The following LRRC4C variants were observed in gnomAD, a reference collection of about 807,000 sequenced individuals.
The protein encoded by LRRC4C is leucine rich repeat containing 4C.
LRRC4C carries 5 observed loss-of-function variants against 33.6 expected under a neutral mutation model. The observed-to-expected ratio is 0.15, with a 90% CI of 0.08 to 0.31. The LOEUF (loss-of-function observed/expected upper bound fraction) is 0.31, where lower values mean the gene tolerates loss of function less well. LRRC4C is among the 10% of genes least tolerant of loss of function. The probability of loss-of-function intolerance (pLI) is 1.00; values close to 1 mark genes in which losing one functional copy is unlikely to be tolerated. For missense variants in LRRC4C, 560 were observed against 796.7 expected (o/e 0.70, Z 3.58); for synonymous variants, 329 against 302.0 (o/e 1.09, Z -0.93).
chr11:41,283,742 T>A (rs1949739604), intron 1 of LRRC4C, among the ~76,000 whole-genome samples: 1 of 152,066 alleles, frequency 6.6e-6, no homozygotes. Flanking sequence ...ACGGAAGAGG[T>A]TTGCTGATCC....
intron 1 of LRRC4C, among the ~76,000 whole-genome samples, chr11:40,980,476 T>C (rs1354608928): frequency 6.6e-6 from 1 of 152,126 alleles, no homozygotes; most frequent in Non-Finnish European, 1.5e-5. Context: ...AATTGAGACC[T>C]CCTAGCATAG....
At chr11:40,124,479 A>G (rs1006211451) in intron 6 of LRRC4C, among the ~76,000 whole-genome samples, 3 of 152,228 alleles carry the variant, frequency 2.0e-5, no homozygotes, top group Admixed American at 2.0e-4. Context: ...CAGCTGTAAA[A>G]AAGAATGAGA....
At chr11:41,073,769 A>G (rs1415808316) in intron 1 of LRRC4C, among the ~76,000 whole-genome samples, 1 of 152,144 alleles carries the variant, frequency 6.6e-6, no homozygotes, top group African/African-American at 2.4e-5. Flanking sequence ...TAAGTAAAAA[A>G]CAAATTACAT....
chr11:40,825,101 C>G (rs1952102399), intron 2 of LRRC4C, among the ~76,000 whole-genome samples: 1 of 151,858 alleles, frequency 6.6e-6, no homozygotes, highest in African/African-American at 2.4e-5. Context: ...TAATAAAACT[C>G]CGAGGTAGAT....
chr11:40,251,448 A>T (rs1045685360), intron 4 of LRRC4C, among the ~76,000 whole-genome samples: 7 of 152,122 alleles, frequency 4.6e-5, no homozygotes, highest in African/African-American at 1.7e-4. Context: ...AAATAGCTAC[A>T]TGTACAGTCA....
chr11:40,854,277 C>T (rs1402499443), intron 2 of LRRC4C, among the ~76,000 whole-genome samples: 1 of 152,152 alleles, frequency 6.6e-6, no homozygotes. Flanking sequence ...TTTCCCATCA[C>T]TCTCGATTCT....
At chr11:41,412,678 C>T (rs1210310366) in intron 1 of LRRC4C, among the ~76,000 whole-genome samples, 1 of 152,130 alleles carries the variant, frequency 6.6e-6, no homozygotes, top group Non-Finnish European at 1.5e-5. Context: ...TTCTCCTGAG[C>T]CAGGACTTGA....
rs554588820 is a variant in LRRC4C, at chr11:41,256,134, G to A, written c.-496+203297C>T. Among the ~76,000 whole-genome samples, 8 of 152,098 alleles carry A rather than the reference G, an allele frequency of 5.3e-5. No homozygotes were observed. In the South Asian group the frequency reaches 1.7e-3, roughly 32 times the overall value. On this transcript the variant is annotated intron_variant, in intron 1 of 6. Transcript: ENST00000528697. ...GATTGATATTTTAAAGGCTGGCTCT[G>A]TCTGTTTGTGTCTTTATCCAAAGCA... is the stretch of plus-strand genomic sequence containing the variant.
chr11:40,736,642 C>T (rs1947881496), intron 2 of LRRC4C, among the ~76,000 whole-genome samples: 1 of 152,098 alleles, frequency 6.6e-6, no homozygotes, highest in Non-Finnish European at 1.5e-5. Context: ...AGTGTAAAAG[C>T]GTTCCTACTT....
chr11:41,344,834 T>C (rs1351615245), intron 1 of LRRC4C, among the ~76,000 whole-genome samples: 1 of 152,232 alleles, frequency 6.6e-6, no homozygotes, highest in Non-Finnish European at 1.5e-5. Flanking sequence ...ATTGAACACG[T>C]TCAATTGAAA....
intron 1 of LRRC4C, among the ~76,000 whole-genome samples, chr11:41,202,786 C>T (rs533025894): frequency 1.9e-4 from 28 of 143,994 alleles, no homozygotes; most frequent in African/African-American, 4.9e-4. Context: ...CTTTGAAAAC[C>T]GATTTTTTTT....
intron 1 of LRRC4C, among the ~76,000 whole-genome samples, chr11:41,169,387 C>T (rs528618431): frequency 6.6e-6 from 1 of 152,170 alleles, no homozygotes; most frequent in South Asian, 2.1e-4. Context: ...TCCACAGGAG[C>T]CCACTGGTAT....
chr11:41,174,087 G>A (rs893238169), intron 1 of LRRC4C, among the ~76,000 whole-genome samples: 4 of 151,856 alleles, frequency 2.6e-5, no homozygotes, highest in Non-Finnish European at 5.9e-5. Flanking sequence ...AAATCATATT[G>A]CCTATTTTGT....
intron 1 of LRRC4C, among the ~76,000 whole-genome samples, chr11:41,127,382 T>G (rs991181380): frequency 2.6e-5 from 4 of 151,962 alleles, no homozygotes; most frequent in African/African-American, 9.7e-5. Flanking sequence ...GCTGAAGAAA[T>G]CTATTTGACA....
chr11:41,067,048 T>A (rs191088936), intron 1 of LRRC4C, among the ~76,000 whole-genome samples: 4 of 152,238 alleles, frequency 2.6e-5, no homozygotes, highest in African/African-American at 4.8e-5. Flanking sequence ...GACGACAGGA[T>A]CAAATTCACA....
intron 1 of LRRC4C, among the ~76,000 whole-genome samples, chr11:41,167,445 A>T (rs1296982357): frequency 1.3e-5 from 2 of 152,162 alleles, no homozygotes; most frequent in Non-Finnish European, 2.9e-5. Context: ...TATTATCAAA[A>T]ATTGTAGCAG....
chr11:40,554,626 T>C (rs954063693), intron 3 of LRRC4C, among the ~76,000 whole-genome samples: 4 of 152,194 alleles, frequency 2.6e-5, no homozygotes, highest in African/African-American at 7.2e-5. Context: ...TTGTGTCATC[T>C]ATGATTTCTT....
intron 1 of LRRC4C, among the ~76,000 whole-genome samples, chr11:41,346,625 A>G (rs572602413): frequency 5.8e-4 from 89 of 152,374 alleles, no homozygotes; most frequent in African/African-American, 2.0e-3. Context: ...GAAGAAAAAC[A>G]TAATTCTGTA....
At chr11:40,893,328 G>A (rs1955802005) in intron 2 of LRRC4C, among the ~76,000 whole-genome samples, 1 of 151,988 alleles carries the variant, frequency 6.6e-6, no homozygotes, top group Admixed American at 6.6e-5. Flanking sequence ...ACAACAGGGT[G>A]ACTACAATCA....
Sources: allele counts gnomAD v4.1 joint callset (sites outside exome capture counted in the v4.1 genomes callset), GRCh38; gene constraint gnomAD v4.1.1; transcripts MANE v1.5; gene names NCBI Gene and HGNC (gene_info 2026-07-23, HGNC 2026-07-21).